LRP1B: variants seen among roughly 807,000 people sequenced by gnomAD.
LRP1B encodes the protein LDL receptor related protein 1B, also known as low-density lipoprotein receptor-related protein 1B.
A neutral mutation model predicts 556.6 loss-of-function variants in LRP1B; 217 were observed. The observed-to-expected ratio is 0.39, with a 90% CI of 0.35 to 0.44. The LOEUF (loss-of-function observed/expected upper bound fraction) is 0.44, where lower values mean the gene tolerates loss of function less well. Among genes scored for constraint, LRP1B ranks in the 20% least tolerant of loss-of-function variants. LRP1B has a pLI of 1.00. For synonymous variants in LRP1B, 2,047 were observed against 1,865.8 expected (o/e 1.10, Z -2.50); for missense variants, 5,053 against 5,620.8 (o/e 0.90, Z 3.23).
Position 140,501,739 on chromosome 2 carries a change from T to C in LRP1B, c.8798A>G (p.Lys2933Arg), listed in dbSNP as rs1689201594. 1.2e-6 allele frequency: 2 copies of C among 1,612,870 alleles called. No individual in the cohort carries two copies. Among genetic ancestry groups the C allele is most frequent in the South Asian group, 1.1e-5 (1 of 90,996 alleles). Residue 2933 changes from lysine (K) to arginine (R), a missense_variant, in exon 55 of 91, where the codon AAG becomes AGG. Physicochemically the swap from Lys to Arg is conservative, Grantham distance 26. Around this residue, in one of 5 missense-constraint regions of LRP1B, gnomAD observed 3,619 missense variants for 3,931.9 expected, o/e 0.92. Transcript: ENST00000389484. ...GTCTTGAGAACATCCACTGACTTTCTTACTCAAACATTCATTTATATGGCA... is the reference window on the plus strand; with the variant it reads ...GTCTTGAGAACATCCACTGACTTTCCTACTCAAACATTCATTTATATGGCA... ...RNCHINECLS[K>R]KVSGCSQDCQ... is the part of the protein sequence containing the mutation.
chr2:140,461,430 A>G (rs184279461), intron 60 of LRP1B, among the ~76,000 whole-genome samples: 21 of 152,290 alleles, frequency 1.4e-4, no homozygotes, highest in African/African-American at 5.1e-4. Flanking sequence ...ACATTTCACT[A>G]GTAATACTAT....
chr2:140,270,142 T>TTAAATG, intron 86 of LRP1B, 100 bp downstream of exon 86: 2 of 797,500 alleles, frequency 2.5e-6, no homozygotes, highest in Non-Finnish European at 4.3e-6. Context: ...CATGAAACAC[T>TTAAATG]CATTTAAAAT....
At chr2:140,460,870 A>C (rs914660572) in intron 60 of LRP1B, among the ~76,000 whole-genome samples, 2 of 152,152 alleles carry the variant, frequency 1.3e-5, no homozygotes, top group African/African-American at 4.8e-5. Flanking sequence ...TATGGCAAAA[A>C]TAAATAAATC....
At chr2:140,659,826 A>G (rs1194653878) in intron 41 of LRP1B, among the ~76,000 whole-genome samples, 1 of 152,138 alleles carries the variant, frequency 6.6e-6, no homozygotes, top group Non-Finnish European at 1.5e-5. Context: ...TGAGAAAAAC[A>G]GGATGAGAGA....
At chr2:140,846,060 A>G (rs1399779856) in intron 29 of LRP1B, among the ~76,000 whole-genome samples, 1 of 152,172 alleles carries the variant, frequency 6.6e-6, no homozygotes, top group Non-Finnish European at 1.5e-5. Flanking sequence ...TATAATGAGG[A>G]AAAAGCAAAG....
At chr2:142,053,529 A>G (rs1191454345) in intron 1 of LRP1B, among the ~76,000 whole-genome samples, 2 of 152,132 alleles carry the variant, frequency 1.3e-5, no homozygotes, top group African/African-American at 4.8e-5. Context: ...AAATCTATAG[A>G]TATGTAATAG....
chr2:141,355,725 A>G (rs1284695539), intron 3 of LRP1B, among the ~76,000 whole-genome samples: 1 of 151,696 alleles, frequency 6.6e-6, no homozygotes, highest in African/African-American at 2.4e-5. Context: ...TATAAATCCC[A>G]GTAACTAGTA....
chr2:140,292,517 G>A (rs1558776822), intron 84 of LRP1B, among the ~76,000 whole-genome samples: 1 of 151,978 alleles, frequency 6.6e-6, no homozygotes, highest in Non-Finnish European at 1.5e-5. Flanking sequence ...GTTCCCCTTT[G>A]CTGCTTCCCT....
At chr2:141,967,847 A>C (rs1701605187) in intron 1 of LRP1B, among the ~76,000 whole-genome samples, 1 of 151,870 alleles carries the variant, frequency 6.6e-6, no homozygotes, top group African/African-American at 2.4e-5. Context: ...ATATCTCTTT[A>C]GTTACTATTG....
At chr2:140,942,690 T>G (rs912056637) in intron 20 of LRP1B, among the ~76,000 whole-genome samples, 1 of 136,858 alleles carries the variant, frequency 7.3e-6, no homozygotes, top group Non-Finnish European at 1.6e-5. Context: ...CAAACTAAGC[T>G]TCATAAATGA....
chr2:140,804,767 T>A (rs1310855083), intron 32 of LRP1B, among the ~76,000 whole-genome samples: 1 of 150,838 alleles, frequency 6.6e-6, no homozygotes, highest in Non-Finnish European at 1.5e-5. Flanking sequence ...AGGGAACATT[T>A]GAAACCTTTA....
intron 1 of LRP1B, among the ~76,000 whole-genome samples, chr2:142,076,030 C>T (rs749389128): frequency 6.6e-6 from 1 of 152,058 alleles, no homozygotes; most frequent in East Asian, 1.9e-4. Context: ...AACCACAGCC[C>T]CCTCCCACGT....
intron 2 of LRP1B, among the ~76,000 whole-genome samples, chr2:141,610,997 C>A (rs1688088792): frequency 6.6e-6 from 1 of 152,152 alleles, no homozygotes; most frequent in African/African-American, 2.4e-5. Flanking sequence ...TTCCTGAAAG[C>A]CCCCTGAGAG....
chr2:141,666,336 G>C (rs1248376232), intron 2 of LRP1B, among the ~76,000 whole-genome samples: 1 of 152,086 alleles, frequency 6.6e-6, no homozygotes. Context: ...TAAATGTAAA[G>C]CCTTATCTCA....
intron 2 of LRP1B, among the ~76,000 whole-genome samples, chr2:141,531,440 TA>T (rs1265246241): frequency 6.6e-6 from 1 of 152,138 alleles, no homozygotes; most frequent in African/African-American, 2.4e-5. Context: ...ACAGGCTAAA[TA>T]GCACCAATAT....
intron 43 of LRP1B, among the ~76,000 whole-genome samples, chr2:140,572,919 T>C (rs1170052954): frequency 1.3e-5 from 2 of 151,964 alleles, no homozygotes; most frequent in East Asian, 3.9e-4. Context: ...AAGATAAATA[T>C]CACATGTTTT....
intron 2 of LRP1B, among the ~76,000 whole-genome samples, chr2:141,580,141 A>G (rs2105278098): frequency 6.6e-6 from 1 of 152,334 alleles, no homozygotes. Flanking sequence ...CTCAGTTAGA[A>G]ATGTGGACAT....
intron 3 of LRP1B, among the ~76,000 whole-genome samples, chr2:141,461,915 T>C (rs938646220): frequency 2.6e-5 from 4 of 152,216 alleles, no homozygotes; most frequent in African/African-American, 9.6e-5. Context: ...CTGAAAATTA[T>C]CTTCTCTCAA....
At chr2:141,597,581 C>G (rs1266813080) in intron 2 of LRP1B, among the ~76,000 whole-genome samples, 1 of 152,062 alleles carries the variant, frequency 6.6e-6, no homozygotes, top group Non-Finnish European at 1.5e-5. Flanking sequence ...TTTGCCCAGA[C>G]TGCATGTTCT....
Sources: allele counts gnomAD v4.1 joint callset (sites outside exome capture counted in the v4.1 genomes callset), GRCh38; gene constraint gnomAD v4.1.1; regional missense constraint gnomAD v4.1.1; transcripts MANE v1.5; gene names NCBI Gene and HGNC (gene_info 2026-07-23, HGNC 2026-07-21).